The following SYT16 variants were observed in gnomAD, a reference collection of about 807,000 sequenced individuals.
SYT16 encodes the protein synaptotagmin-16.
In SYT16, 42 loss-of-function variants were observed where a neutral mutation model predicts 61.4. The observed-to-expected ratio is 0.68, with a 90% CI of 0.53 to 0.89. The LOEUF (loss-of-function observed/expected upper bound fraction) is 0.89, where lower values mean the gene tolerates loss of function less well. Among genes scored for constraint, SYT16 ranks in the 40% least tolerant of loss-of-function variants. The probability of loss-of-function intolerance (pLI) is 0.00; values close to 1 mark genes in which losing one functional copy is unlikely to be tolerated. For synonymous variants in SYT16, 314 were observed against 302.3 expected (o/e 1.04, Z -0.40); for missense variants, 804 against 807.3 (o/e 1.00, Z 0.05).
intron 1 of SYT16, among the ~76,000 whole-genome samples, chr14:61,855,874 G>T (rs1377304618): frequency 6.6e-6 from 1 of 152,196 alleles, no homozygotes; most frequent in South Asian, 2.1e-4. Flanking sequence ...TAATAAACCT[G>T]AATGGTTTGA....
chr14:61,884,776 T>TC (rs1317962262), intron 1 of SYT16, among the ~76,000 whole-genome samples: 4 of 152,210 alleles, frequency 2.6e-5, no homozygotes, highest in African/African-American at 9.7e-5. Flanking sequence ...AAGCTTTTGC[T>TC]CATGCAGTGT....
chr14:61,902,808 G>T (rs919129807), intron 1 of SYT16, among the ~76,000 whole-genome samples: 5 of 152,222 alleles, frequency 3.3e-5, no homozygotes, highest in African/African-American at 1.2e-4. Flanking sequence ...CAGCAAGAGA[G>T]AATGAGAGCC....
At chr14:61,901,538 A>G (rs1222369374) in intron 1 of SYT16, among the ~76,000 whole-genome samples, 3 of 152,032 alleles carry the variant, frequency 2.0e-5, no homozygotes, top group East Asian at 1.9e-4. Context: ...CATGTCTCCT[A>G]TGCCCTATAC....
chr14:62,041,795 C>T (rs1425749672), intron 3 of SYT16, among the ~76,000 whole-genome samples: 3 of 152,108 alleles, frequency 2.0e-5, no homozygotes, highest in Non-Finnish European at 4.4e-5. Flanking sequence ...CTGAAATTGT[C>T]CCACAGCTCA....
chr14:62,006,963 GAAC>G (rs773525499), intron 3 of SYT16, among the ~76,000 whole-genome samples: 17 of 152,036 alleles, frequency 1.1e-4, no homozygotes, highest in Non-Finnish European at 2.2e-4. Context: ...TTAAAATATA[GAAC>G]AACAGGCTTT....
chr14:61,966,694 AAATTT>A (rs2051327980), intron 1 of SYT16, among the ~76,000 whole-genome samples: 1 of 152,200 alleles, frequency 6.6e-6, no homozygotes, highest in South Asian at 2.1e-4. Context: ...TCAAAAATAA[AAATTT>A]AATTTCATTA....
At chr14:61,835,835 T>G (rs987158778) in intron 1 of SYT16, among the ~76,000 whole-genome samples, 1 of 152,206 alleles carries the variant, frequency 6.6e-6, no homozygotes, top group Non-Finnish European at 1.5e-5. Flanking sequence ...AAATACATTT[T>G]AAACTATAGA....
chr14:61,895,876 G>T (rs1198520991), intron 1 of SYT16, among the ~76,000 whole-genome samples: 1 of 152,150 alleles, frequency 6.6e-6, no homozygotes, highest in African/African-American at 2.4e-5. Flanking sequence ...AGTTATTTAG[G>T]AATTTTTTTC....
intron 3 of SYT16, among the ~76,000 whole-genome samples, chr14:62,015,740 G>A (rs530485654): frequency 3.9e-5 from 6 of 152,270 alleles, no homozygotes; most frequent in African/African-American, 1.4e-4. Context: ...TGTCTCAGAA[G>A]TTGGCCTTCA....
chr14:62,005,986 T>A (rs2053206200), intron 3 of SYT16, among the ~76,000 whole-genome samples: 1 of 152,166 alleles, frequency 6.6e-6, no homozygotes, highest in Non-Finnish European at 1.5e-5. Flanking sequence ...GGAGGTTGCC[T>A]AAGTTGCCTC....
chr14:62,050,030 T>A (rs2055197200), intron 3 of SYT16, among the ~76,000 whole-genome samples: 1 of 152,222 alleles, frequency 6.6e-6, no homozygotes, highest in Non-Finnish European at 1.5e-5. Flanking sequence ...CCTTGCTAGA[T>A]TTGGGAAGTT....
intron 1 of SYT16, among the ~76,000 whole-genome samples, chr14:61,921,333 G>T (rs1465986812): frequency 6.6e-6 from 1 of 152,126 alleles, no homozygotes; most frequent in Non-Finnish European, 1.5e-5. Context: ...TAACTCCATT[G>T]TTCCTTATTG....
At chr14:61,974,954 C>A (rs1438005002) in intron 2 of SYT16, among the ~76,000 whole-genome samples, 1 of 152,200 alleles carries the variant, frequency 6.6e-6, no homozygotes, top group East Asian at 1.9e-4. Flanking sequence ...TAAACAGATA[C>A]CTTCTGATTC....
chr14:61,994,600 G>A lies in SYT16; in HGVS notation c.-144-1276G>A, dbSNP rs570817100. On this transcript the variant is annotated intron_variant, in intron 2 of 7. Transcript: ENST00000683842. ...CTGGTGAATATAACAGGGAAGGGAAGCCATAGGACAAGTTTTGGTTGTATA... is the reference window on the plus strand; with the variant it reads ...CTGGTGAATATAACAGGGAAGGGAAACCATAGGACAAGTTTTGGTTGTATA... Among the ~76,000 whole-genome samples, 29 of 152,246 alleles carry A rather than the reference G, an allele frequency of 1.9e-4. No homozygotes were observed. In the South Asian group the frequency reaches 2.1e-3, roughly 11 times the overall value.
intron 3 of SYT16, among the ~76,000 whole-genome samples, chr14:62,000,054 T>C (rs188032156): frequency 6.7e-6 from 1 of 148,992 alleles, no homozygotes; most frequent in East Asian, 2.0e-4. Context: ...TACAAGTTTC[T>C]TGAGGCTATT....
intron 3 of SYT16, among the ~76,000 whole-genome samples, chr14:62,011,844 T>A (rs1326562529): frequency 6.9e-6 from 1 of 144,716 alleles, no homozygotes; most frequent in African/African-American, 2.6e-5. Flanking sequence ...TATGGACACA[T>A]GTCTACCACA....
At chr14:61,834,514 T>G (rs2046061766) in intron 1 of SYT16, among the ~76,000 whole-genome samples, 1 of 141,236 alleles carries the variant, frequency 7.1e-6, no homozygotes, top group South Asian at 2.4e-4. Flanking sequence ...CTCGGCTCAC[T>G]GCAACCTCTG....
intron 1 of SYT16, among the ~76,000 whole-genome samples, chr14:61,892,469 C>T (rs903969725): frequency 1.3e-5 from 2 of 152,162 alleles, no homozygotes; most frequent in Non-Finnish European, 2.9e-5. Flanking sequence ...ATTTATTCTT[C>T]CTCACCCCAG....
chr14:61,847,530 G>T (rs1324341154), intron 1 of SYT16, among the ~76,000 whole-genome samples: 1 of 151,986 alleles, frequency 6.6e-6, no homozygotes. Context: ...AATACCTTGA[G>T]GTAGTCCTCT....
Sources: gnomAD v4.1 joint callset for allele counts (sites outside exome capture counted in the v4.1 genomes callset) on GRCh38, gnomAD v4.1.1 for gene constraint, MANE v1.5 for transcripts, NCBI Gene and HGNC (gene_info 2026-07-23, HGNC 2026-07-21) for gene names.